TAF1B: variants seen among roughly 807,000 people sequenced by gnomAD.
The protein encoded by TAF1B is TATA-box binding protein associated factor, RNA polymerase I subunit B.
Under a neutral mutation model 83.9 loss-of-function variants are expected in TAF1B, and 61 were observed. The observed-to-expected ratio is 0.73, with a 90% CI of 0.59 to 0.90. The LOEUF is 0.90. TAF1B is among the 40% of genes least tolerant of loss of function. TAF1B has a pLI of 0.00. For synonymous variants in TAF1B, 221 were observed against 224.6 expected, an observed-to-expected ratio of 0.98 and a Z score of 0.14; for missense variants, 625 against 677.0, an observed-to-expected ratio of 0.92 and a Z score of 0.85.
At chr2:9,917,672 C>T (rs2125177516) in intron 12 of TAF1B, among the ~76,000 whole-genome samples, 1 of 152,330 alleles carries the variant, frequency 6.6e-6, no homozygotes, top group East Asian at 1.9e-4. Context: ...TAAATGAGTT[C>T]CTACTCTCTA....
In TAF1B at chr2:9,891,076, C is replaced by T. The variant is rs557937352; in HGVS notation, c.807+8271C>T. On this transcript the variant is annotated intron_variant, in intron 8 of 14. Transcript: ENST00000263663. Reference sequence around the variant, plus strand: ...CATGAGCTACTGCACCTGGCCTACTCTCTTACTTTAAATTATACAATACAG... The same window carrying T: ...CATGAGCTACTGCACCTGGCCTACTTTCTTACTTTAAATTATACAATACAG... Among the ~76,000 whole-genome samples, 4 of 152,342 alleles carry T rather than the reference C, an allele frequency of 2.6e-5. No individual in the cohort carries two copies. In the South Asian group the frequency reaches 8.3e-4, roughly 32 times the overall value.
At chr2:9,881,938 G>A (rs1664520153) in intron 7 of TAF1B, among the ~76,000 whole-genome samples, 1 of 152,106 alleles carries the variant, frequency 6.6e-6, no homozygotes, top group Non-Finnish European at 1.5e-5. Context: ...GGAGACAGAA[G>A]GGTAGACAAG....
intron 8 of TAF1B, among the ~76,000 whole-genome samples, chr2:9,889,077 C>T (rs1422758946): frequency 2.6e-5 from 4 of 151,720 alleles, no homozygotes; most frequent in East Asian, 1.9e-4. Flanking sequence ...GCTGGGATTA[C>T]GGGTGGGGAG....
chr2:9,917,258 T>A (rs1452032313), intron 12 of TAF1B, among the ~76,000 whole-genome samples: 1 of 152,230 alleles, frequency 6.6e-6, no homozygotes, highest in African/African-American at 2.4e-5. Flanking sequence ...TTTAAAATTC[T>A]TGAAAAAATC....
chr2:9,858,071 T>G (rs1436928801), intron 5 of TAF1B, among the ~76,000 whole-genome samples: 1 of 152,118 alleles, frequency 6.6e-6, no homozygotes, highest in African/African-American at 2.4e-5. Flanking sequence ...AAAGTCCAAG[T>G]CCAAAGTCTG....
intron 8 of TAF1B, among the ~76,000 whole-genome samples, chr2:9,902,229 T>G (rs199748656): frequency 1.1e-5 from 1 of 93,274 alleles, no homozygotes. Context: ...ATATGAAGCT[T>G]TTTTTTTTTT....
intron 14 of TAF1B, among the ~76,000 whole-genome samples, chr2:9,931,863 G>C (rs1253745555): frequency 6.6e-6 from 1 of 152,062 alleles, no homozygotes; most frequent in East Asian, 1.9e-4. Flanking sequence ...GGCTTTGTTT[G>C]TTTCTTTTTA....
At chr2:9,855,468 C>G (rs889818936) in intron 5 of TAF1B, among the ~76,000 whole-genome samples, 2 of 152,068 alleles carry the variant, frequency 1.3e-5, no homozygotes, top group African/African-American at 4.8e-5. Flanking sequence ...TGCTTGAGCC[C>G]AGAAGTTCAA....
chr2:9,876,037 A>G lies in TAF1B; in HGVS notation c.707+19A>G. ...TTTTGAGGTTAGCTAGACCTCTTGT[A>G]TGATAATATTTTTGCTGGTTACTAC... On this transcript the variant is annotated intron_variant, in intron 7 of 14. Transcript: ENST00000263663. 3 of 1,578,524 alleles carry G rather than the reference A, an allele frequency of 1.9e-6. No individual in the cohort carries two copies. The highest frequency in any genetic ancestry group is 1.7e-5 in the Admixed American group (1 of 58,312).
chr2:9,864,071 A>G (rs905646935), intron 5 of TAF1B, among the ~76,000 whole-genome samples: 5 of 152,210 alleles, frequency 3.3e-5, no homozygotes. Flanking sequence ...TTCAAAAGCT[A>G]GCAGAAGACA....
chr2:9,858,978 A>G (rs1160759110), intron 5 of TAF1B, among the ~76,000 whole-genome samples: 2 of 152,110 alleles, frequency 1.3e-5, no homozygotes, highest in Non-Finnish European at 2.9e-5. Context: ...TTCACTCCTC[A>G]TTACTAATGC....
At chr2:9,852,700 C>T (rs1159674720) in intron 4 of TAF1B, among the ~76,000 whole-genome samples, 1 of 152,136 alleles carries the variant, frequency 6.6e-6, no homozygotes, top group African/African-American at 2.4e-5. Context: ...CCATGTTGCT[C>T]AGCCTGGGCT....
chr2:9,857,257 A>G (rs892807474), intron 5 of TAF1B, among the ~76,000 whole-genome samples: 1 of 152,332 alleles, frequency 6.6e-6, no homozygotes, highest in East Asian at 1.9e-4. Context: ...GATGCTTCCT[A>G]TACACAGTAC....
intron 9 of TAF1B, among the ~76,000 whole-genome samples, chr2:9,909,223 C>T (rs1665445317): frequency 6.6e-6 from 1 of 152,106 alleles, no homozygotes; most frequent in South Asian, 2.1e-4. Flanking sequence ...ACAAATAAAA[C>T]AAGATTGAGT....
intron 8 of TAF1B, among the ~76,000 whole-genome samples, chr2:9,900,994 G>T (rs1029189951): frequency 2.0e-5 from 3 of 152,036 alleles, no homozygotes; most frequent in Non-Finnish European, 4.4e-5. Context: ...AGTTGTCAGA[G>T]ATTTTTATTA....
chr2:9,854,159 C>G (rs4669471), intron 4 of TAF1B, among the ~76,000 whole-genome samples, 167 bp from the exon 5 acceptor site: 34,603 of 152,116 alleles, frequency 0.23, 4,783 homozygotes, highest in East Asian at 0.31. Flanking sequence ...ATGCTACATA[C>G]AGACCCCAGA....
rs1491115093 is a variant in TAF1B, at chr2:9,899,664, ATG to A, written c.808-5193_808-5192del. 7.0e-3 allele frequency among the ~76,000 whole-genome samples: 779 copies of A among 111,466 alleles called. 7 individuals are homozygous for A. Among genetic ancestry groups the A allele is most frequent in the African/African-American group, 0.025 (750 of 30,600 alleles). 73.1% of individuals were successfully genotyped at this position (111,466 alleles called of 152,430 possible). A position where few individuals can be genotyped will look rare whatever the true frequency, so the allele number is the denominator to read the frequency against. On this transcript the variant is annotated intron_variant, in intron 8 of 14. Transcript: ENST00000263663. ...TTAGACAACCACAATATATTTTTGA[ATG>A]TTTTTTTCTTATTACAAAAGTAATG...
chr2:9,868,583 G>A lies in TAF1B; in HGVS notation c.553+154G>A. On this transcript the variant is annotated intron_variant, in intron 6 of 14. Transcript: ENST00000263663. ...ATGACTTGCTGAATCATATGGCTAA[G>A]ACAAACTAAGTGAAATCTTAGCGCA... 2.7e-6 allele frequency: 3 copies of A among 1,111,718 alleles called. No homozygotes were observed. In the South Asian group the frequency reaches 4.0e-5, roughly 15 times the overall value. 68.9% of individuals were successfully genotyped at this position (1,111,718 alleles called of 1,614,324 possible). A position where few individuals can be genotyped will look rare whatever the true frequency, so the allele number is the denominator to read the frequency against.
chr2:9,851,989 A>G (rs1663411255), intron 4 of TAF1B: 1 of 483,740 alleles, frequency 2.1e-6, no homozygotes, highest in Admixed American at 2.3e-5. Flanking sequence ...TGTGTTATTC[A>G]CAATTTGAGA....
Sources: allele counts gnomAD v4.1 joint callset (sites outside exome capture counted in the v4.1 genomes callset), GRCh38; gene constraint gnomAD v4.1.1; transcripts MANE v1.5; gene names NCBI Gene and HGNC (gene_info 2026-07-23, HGNC 2026-07-21).